The following COLEC11 variants were observed in gnomAD, a reference collection of about 807,000 sequenced individuals.
The protein encoded by COLEC11 is collectin-11.
A neutral mutation model predicts 27.3 loss-of-function variants in COLEC11; 20 were observed. The observed-to-expected ratio is 0.73, with a 90% CI of 0.51 to 1.06. The LOEUF is 1.06. COLEC11 is among the 50% of genes least tolerant of loss of function. The pLI, the probability that COLEC11 is intolerant of heterozygous loss-of-function variation, is 0.00. For missense variants in COLEC11, 310 were observed against 383.0 expected (o/e 0.81, Z 1.59); for synonymous variants, 163 against 154.7 (o/e 1.05, Z -0.40).
At chr2:3,629,882 C>T (rs866935327) in intron 3 of COLEC11, among the ~76,000 whole-genome samples, 6 of 152,078 alleles carry the variant, frequency 3.9e-5, no homozygotes, top group Non-Finnish European at 8.8e-5. Flanking sequence ...CATGTATCCA[C>T]GTATGTAGGT....
intron 3 of COLEC11, among the ~76,000 whole-genome samples, chr2:3,624,426 T>C (rs935698075): frequency 2.0e-5 from 3 of 152,178 alleles, no homozygotes; most frequent in African/African-American, 7.2e-5. Flanking sequence ...GCTCCCAGTC[T>C]CTCCCAACTT....
At chr2:3,633,668 TAAG>T (rs911122735) in intron 3 of COLEC11, among the ~76,000 whole-genome samples, 14 of 151,806 alleles carry the variant, frequency 9.2e-5, no homozygotes, top group Admixed American at 5.9e-4. Context: ...GAGGGGGAAA[TAAG>T]AAGCATAAAC....
At chr2:3,608,256 G>A (rs1662892443) in intron 2 of COLEC11, among the ~76,000 whole-genome samples, 1 of 152,210 alleles carries the variant, frequency 6.6e-6, no homozygotes, top group Non-Finnish European at 1.5e-5. Context: ...AGCGAGGAGA[G>A]AGCTGCGTTG....
chr2:3,643,371 G>A, intron 5 of COLEC11, 73 bp from the exon 6 acceptor site: 1 of 1,250,320 alleles, frequency 8.0e-7, no homozygotes, highest in Non-Finnish European at 1.2e-6. Context: ...CATTTCCGGG[G>A]AGGGGTCCTC....
At chr2:3,627,485 G>A (rs1417914937) in intron 3 of COLEC11, among the ~76,000 whole-genome samples, 1 of 150,376 alleles carries the variant, frequency 6.6e-6, no homozygotes, top group Non-Finnish European at 1.5e-5. Context: ...GGCACGATGA[G>A]CACGACGATG....
At chr2:3,611,960 A>G (rs1225818315) in intron 2 of COLEC11, among the ~76,000 whole-genome samples, 1 of 147,522 alleles carries the variant, frequency 6.8e-6, no homozygotes, top group Non-Finnish European at 1.5e-5. Flanking sequence ...ATATAAAACA[A>G]CAAGAGTTAT....
intron 2 of COLEC11, chr2:3,606,347 G>A (rs910252917): frequency 1.0e-5 from 10 of 966,010 alleles, no homozygotes; most frequent in East Asian, 7.9e-5. Context: ...AGCTGTCCAC[G>A]TCCTGGGTCC....
At chr2:3,642,570 T>G (rs915176065) in intron 5 of COLEC11, among the ~76,000 whole-genome samples, 1 of 152,102 alleles carries the variant, frequency 6.6e-6, no homozygotes. Flanking sequence ...ATTCTTGTCT[T>G]AAAGCAAAAC....
intron 3 of COLEC11, among the ~76,000 whole-genome samples, chr2:3,626,341 G>A (rs900896174): frequency 1.3e-5 from 2 of 152,220 alleles, no homozygotes; most frequent in Non-Finnish European, 2.9e-5. Context: ...TGTCTGTATC[G>A]TGGCTCCACC....
chr2:3,623,487 C>CT (rs776304079), intron 3 of COLEC11, among the ~76,000 whole-genome samples: 1 of 151,838 alleles, frequency 6.6e-6, no homozygotes, highest in East Asian at 1.9e-4. Flanking sequence ...CTTTTAATGC[C>CT]TTTTTTCTTT....
At chr2:3,623,458 T>G (rs561831307) in intron 3 of COLEC11, among the ~76,000 whole-genome samples, 51 of 152,270 alleles carry the variant, frequency 3.3e-4, no homozygotes, top group African/African-American at 1.2e-3. Flanking sequence ...CCTTTAGATC[T>G]CACAGGCTTT....
At chr2:3,616,639 A>G (rs1572421321) in intron 3 of COLEC11, among the ~76,000 whole-genome samples, 1 of 152,242 alleles carries the variant, frequency 6.6e-6, no homozygotes, top group East Asian at 1.9e-4. Context: ...CACGCCTGCA[A>G]TCCCAGGCAC....
intron 3 of COLEC11, 23 bp downstream of exon 3, chr2:3,613,405 C>T (rs1230357559): frequency 1.3e-6 from 2 of 1,569,546 alleles, no homozygotes; most frequent in Non-Finnish European, 1.7e-6. Flanking sequence ...CTGGGCCGGC[C>T]CTCAGAGCTC....
intron 3 of COLEC11, among the ~76,000 whole-genome samples, chr2:3,633,603 G>A (rs969359110): frequency 4.4e-4 from 67 of 152,302 alleles, no homozygotes; most frequent in African/African-American, 1.3e-3. Context: ...ACCTCCTCGC[G>A]AGGGGACAGA....
chr2:3,614,978 A>G (rs1663540193), intron 3 of COLEC11, among the ~76,000 whole-genome samples: 1 of 152,232 alleles, frequency 6.6e-6, no homozygotes, highest in Non-Finnish European at 1.5e-5. Context: ...TTTCCATTCA[A>G]GAATTCTACA....
intron 4 of COLEC11, among the ~76,000 whole-genome samples, chr2:3,638,639 A>G (rs926787320): frequency 6.6e-6 from 1 of 152,092 alleles, no homozygotes; most frequent in Non-Finnish European, 1.5e-5. Flanking sequence ...CCTGGTAGAA[A>G]GGGCTCTGTG....
At chr2:3,625,244 C>G (rs987355374) in intron 3 of COLEC11, among the ~76,000 whole-genome samples, 4 of 152,160 alleles carry the variant, frequency 2.6e-5, no homozygotes, top group African/African-American at 9.7e-5. Flanking sequence ...AGGCCTGTCC[C>G]CACTGATGTT....
intron 1 of COLEC11, chr2:3,603,676 G>C (rs141857043): frequency 6.4e-6 from 10 of 1,550,822 alleles, no homozygotes; most frequent in Non-Finnish European, 8.7e-6. Context: ...GCACGTACCC[G>C]CCCCTCCTGG....
At chr2:3,606,159 G>C in intron 2 of COLEC11, 1 of 1,550,528 alleles carries the variant, frequency 6.4e-7, no homozygotes, top group Non-Finnish European at 8.7e-7. Context: ...TGGAGAGCTG[G>C]ACTTTTGGCT....
Sources: gnomAD v4.1 joint callset for allele counts (sites outside exome capture counted in the v4.1 genomes callset) on GRCh38, gnomAD v4.1.1 for gene constraint, MANE v1.5 for transcripts, NCBI Gene and HGNC (gene_info 2026-07-23, HGNC 2026-07-21) for gene names.